Variants in SND1 observed in about 807,000 individuals in gnomAD.
SND1 encodes the protein staphylococcal nuclease and tudor domain containing 1.
SND1 carries 38 observed loss-of-function variants against 121.7 expected under a neutral mutation model. The observed-to-expected ratio is 0.31, with a 90% CI of 0.24 to 0.41. SND1 has a LOEUF of 0.41. SND1 is among the 10% of genes least tolerant of loss of function. SND1 has a pLI of 1.00. For synonymous variants in SND1, 401 were observed against 447.4 expected, an observed-to-expected ratio of 0.90 and a Z score of 1.31; for missense variants, 868 against 1,184.6, an observed-to-expected ratio of 0.73 and a Z score of 3.92.
At chr7:127,991,167 A>G in intron 16 of SND1, 111 bp downstream of exon 16, 1 of 709,342 alleles carries the variant, frequency 1.4e-6, no homozygotes, top group South Asian at 1.7e-5. Flanking sequence ...TCAGCCTTGC[A>G]CATCCATAAT....
chr7:127,939,995 T>C (rs1025459533), intron 15 of SND1, among the ~76,000 whole-genome samples: 1 of 152,210 alleles, frequency 6.6e-6, no homozygotes, highest in African/African-American at 2.4e-5. Context: ...GCCTGTCCTA[T>C]GCAGAGCTAA....
At chr7:128,011,690 C>T (rs1803120306) in intron 16 of SND1, among the ~76,000 whole-genome samples, 1 of 152,148 alleles carries the variant, frequency 6.6e-6, no homozygotes, top group Non-Finnish European at 1.5e-5. Context: ...TTTTTAACTT[C>T]CCCAGATTTA....
chr7:128,012,636 A>G (rs1293295864), intron 16 of SND1, among the ~76,000 whole-genome samples: 4 of 152,072 alleles, frequency 2.6e-5, no homozygotes, highest in Admixed American at 1.3e-4. Flanking sequence ...CCCAAGCACT[A>G]TTTTGCTCTG....
chr7:128,035,407 G>C (rs1792730036), intron 16 of SND1, among the ~76,000 whole-genome samples: 1 of 152,214 alleles, frequency 6.6e-6, no homozygotes, highest in South Asian at 2.1e-4. Flanking sequence ...CTGGAGCAGA[G>C]CAAATCGGAC....
At chr7:127,776,624 G>A (rs1426749645) in intron 10 of SND1, among the ~76,000 whole-genome samples, 1 of 152,166 alleles carries the variant, frequency 6.6e-6, no homozygotes, top group Non-Finnish European at 1.5e-5. Flanking sequence ...ATTTACACAT[G>A]TGAACATGAT....
chr7:127,936,580 C>G (rs1415108083), intron 15 of SND1, among the ~76,000 whole-genome samples: 1 of 151,994 alleles, frequency 6.6e-6, no homozygotes, highest in Non-Finnish European at 1.5e-5. Context: ...CAGGGTCTTA[C>G]TCTGTTGCCC....
intron 18 of SND1, among the ~76,000 whole-genome samples, chr7:128,082,184 G>A (rs117348877): frequency 0.017 from 2,652 of 152,322 alleles, 49 homozygotes; most frequent in Middle Eastern, 0.037. Context: ...ACCTCCAACC[G>A]CTTACGCTTT....
intron 10 of SND1, among the ~76,000 whole-genome samples, chr7:127,771,821 T>C (rs762865545): frequency 2.0e-5 from 3 of 152,198 alleles, no homozygotes; most frequent in Non-Finnish European, 2.9e-5. Flanking sequence ...TACATCATTA[T>C]TTGGTTTTAA....
At chr7:127,921,039 A>G (rs1466759976) in intron 14 of SND1, among the ~76,000 whole-genome samples, 1 of 152,226 alleles carries the variant, frequency 6.6e-6, no homozygotes, top group Non-Finnish European at 1.5e-5. Flanking sequence ...ATTCAGTAAG[A>G]GAACAATCTC....
intron 15 of SND1, among the ~76,000 whole-genome samples, chr7:127,986,683 G>A (rs1175732603): frequency 6.6e-6 from 1 of 152,212 alleles, no homozygotes; most frequent in Non-Finnish European, 1.5e-5. Flanking sequence ...AAAATAATGA[G>A]TTTTTGCTTA....
intron 1 of SND1, among the ~76,000 whole-genome samples, chr7:127,683,108 A>G (rs1795755588): frequency 6.6e-6 from 1 of 152,338 alleles, no homozygotes; most frequent in East Asian, 1.9e-4. Context: ...GTTTTCATTG[A>G]GGAAGAACTT....
Position 127,908,357 on chromosome 7 carries a change from TGTGC to T in SND1, c.1527+3546_1527+3549del, listed in dbSNP as rs1333044169. Among the ~76,000 whole-genome samples, 153 of 142,344 alleles carry T rather than the reference TGTGC, an allele frequency of 1.1e-3. No individual in the cohort carries two copies. In the Middle Eastern group the frequency reaches 0.011, roughly 10 times the overall value. The allele number at this position is 142,344 out of a possible 152,430, so 93.4% of individuals were successfully genotyped here. A position where few individuals can be genotyped will look rare whatever the true frequency, so the allele number is the denominator to read the frequency against. ...GTGTGTGTGTGTGTGTGTGTGTGTGTGTGCGTGCGTGTTGACCCATCTGCGTCTC... is the reference window on the plus strand; with the variant it reads ...GTGTGTGTGTGTGTGTGTGTGTGTGTGTGCGTGTTGACCCATCTGCGTCTC... On this transcript the variant is annotated intron_variant, in intron 14 of 23. Coordinates refer to ENST00000354725, the MANE Select transcript of SND1 (RefSeq NM_014390.4).
At chr7:127,817,637 A>G (rs941050496) in intron 11 of SND1, among the ~76,000 whole-genome samples, 15 of 150,882 alleles carry the variant, frequency 9.9e-5, no homozygotes, top group African/African-American at 3.4e-4. Flanking sequence ...GACTTCTGGC[A>G]TTGCTGTCCA....
At chr7:127,985,307 G>C (rs999727564) in intron 15 of SND1, among the ~76,000 whole-genome samples, 1 of 152,234 alleles carries the variant, frequency 6.6e-6, no homozygotes, top group African/African-American at 2.4e-5. Context: ...GCCCGGGCTA[G>C]AGTGCAGTGG....
chr7:127,970,073 CTTG>C (rs886146166), intron 15 of SND1, among the ~76,000 whole-genome samples: 7 of 152,114 alleles, frequency 4.6e-5, no homozygotes, highest in Non-Finnish European at 7.3e-5. Flanking sequence ...TATATAGTCA[CTTG>C]TTGTACTTTA....
intron 11 of SND1, among the ~76,000 whole-genome samples, chr7:127,822,678 C>G (rs557588732): frequency 6.6e-5 from 10 of 152,092 alleles, no homozygotes; most frequent in Admixed American, 6.5e-4. Context: ...TACTCTAATC[C>G]TTTTTTAAAT....
In SND1 at chr7:128,086,939, G is replaced by A. The variant is rs902360052; in HGVS notation, c.2306G>A (p.Arg769Lys). Residue 769 changes from arginine (R) to lysine (K), a missense_variant and splice_region_variant, in exon 21 of 24, where the codon AGA becomes AAA. Arg to Lys is a conservative substitution (Grantham distance 26). This residue lies in a region of SND1 where 743 missense variants were observed against 1,071.3 expected (regional missense o/e 0.69). Coordinates refer to ENST00000354725, the MANE Select transcript of SND1 (RefSeq NM_014390.4). ...GTTGGCCTGCTGCTTCCTCTGCAGAGAGAGGTCCTGCCATCCACCCGCCTG... is the reference window on the plus strand; with the variant it reads ...GTTGGCCTGCTGCTTCCTCTGCAGAAAGAGGTCCTGCCATCCACCCGCCTG... Reference protein sequence around the residue: ...IHVFYIDYGNREVLPSTRLGT... With the variant: ...IHVFYIDYGNKEVLPSTRLGT... 1.9e-6 allele frequency: 3 copies of A among 1,613,142 alleles called. No individual in the cohort carries two copies. The African/African-American group carries it at 4.0e-5, about 22-fold the overall frequency.
intron 11 of SND1, among the ~76,000 whole-genome samples, chr7:127,824,498 A>G (rs1308174446): frequency 6.6e-6 from 1 of 152,224 alleles, no homozygotes; most frequent in African/African-American, 2.4e-5. Context: ...TGTTTATTCT[A>G]AGGACTGAAG....
chr7:127,984,904 G>A (rs1336362088), intron 15 of SND1, among the ~76,000 whole-genome samples: 1 of 152,008 alleles, frequency 6.6e-6, no homozygotes, highest in African/African-American at 2.4e-5. Flanking sequence ...ATGTCAGTTC[G>A]TCCCCTCTGC....
Sources: gnomAD v4.1 joint callset for allele counts (sites outside exome capture counted in the v4.1 genomes callset) on GRCh38, gnomAD v4.1.1 for gene constraint, gnomAD v4.1.1 regional missense constraint, MANE v1.5 for transcripts, NCBI Gene and HGNC (gene_info 2026-07-23, HGNC 2026-07-21) for gene names.